Variants in TG observed in about 807,000 individuals in gnomAD.
TG encodes the protein thyroglobulin.
In TG, 270 loss-of-function variants were observed where a neutral mutation model predicts 324.7. The observed-to-expected ratio is 0.83, with a 90% confidence interval of 0.75 to 0.92. The LOEUF is 0.92. Ranked by LOEUF, TG falls within the 40% of genes least tolerant of loss-of-function variation. The probability of loss-of-function intolerance (pLI) is 0.00; values close to 1 mark genes in which losing one functional copy is unlikely to be tolerated. For synonymous variants in TG, 1,401 were observed against 1,327.0 expected (o/e 1.06, Z -1.21); for missense variants, 3,591 against 3,456.4 (o/e 1.04, Z -0.98).
At chr8:132,913,435 A>G (rs1221017860) in intron 20 of TG, among the ~76,000 whole-genome samples, 170 bp downstream of exon 20, 1 of 152,198 alleles carries the variant, frequency 6.6e-6, no homozygotes. Context: ...TATAGTCTCC[A>G]TCTGCTAGGT....
At chr8:132,969,049 G>C (rs902234092) in intron 31 of TG, among the ~76,000 whole-genome samples, 2 of 151,956 alleles carry the variant, frequency 1.3e-5, no homozygotes, top group African/African-American at 4.8e-5. Context: ...AGGCCAAATA[G>C]CTTCTTAAAG....
intron 26 of TG, among the ~76,000 whole-genome samples, chr8:132,948,177 C>T (rs370459964): frequency 1.9e-5 from 2 of 106,294 alleles, no homozygotes; most frequent in African/African-American, 2.8e-5. Flanking sequence ...TTTCTTACTC[C>T]GTCCCCCCCC....
At chr8:132,887,569 AT>A in intron 9 of TG, 21 bp downstream of exon 9, 1 of 1,614,166 alleles carries the variant, frequency 6.2e-7, no homozygotes. Flanking sequence ...TGGGTATTCA[AT>A]CTGTAGGTTC....
chr8:133,038,551 G>A (rs1364338904), intron 41 of TG: 1 of 1,613,652 alleles, frequency 6.2e-7, no homozygotes, highest in Non-Finnish European at 8.5e-7. Flanking sequence ...GTGGTGATGA[G>A]AAGAATGAGC....
intron 35 of TG, among the ~76,000 whole-genome samples, chr8:132,997,674 A>G (rs191537891): frequency 6.6e-6 from 1 of 152,240 alleles, no homozygotes; most frequent in Non-Finnish European, 1.5e-5. Context: ...AATTTAGTGG[A>G]GTAAAGAGGA....
chr8:133,001,693 G>T (rs1340605060), intron 35 of TG: 14 of 962,132 alleles, frequency 1.5e-5, no homozygotes, highest in Non-Finnish European at 1.6e-5. Flanking sequence ...CGTGAGCTGG[G>T]CTCTTCCTTC....
intron 26 of TG, among the ~76,000 whole-genome samples, chr8:132,945,598 G>A (rs967434881): frequency 1.3e-5 from 2 of 152,294 alleles, no homozygotes; most frequent in Admixed American, 1.3e-4. Flanking sequence ...CAGCTTCGAG[G>A]TGGTATCAAA....
At chr8:132,985,372 G>A (rs1564039630) in intron 35 of TG, among the ~76,000 whole-genome samples, 2 of 152,110 alleles carry the variant, frequency 1.3e-5, no homozygotes. Flanking sequence ...GCCATGGGTG[G>A]GAGGGGTCCT....
chr8:132,869,226 C>T (rs78775620), intron 2 of TG, among the ~76,000 whole-genome samples: 2,087 of 152,282 alleles, frequency 0.014, 19 homozygotes, highest in Non-Finnish European at 0.022. Flanking sequence ...CCTTCTTATA[C>T]CTCTGACCAT....
chr8:133,115,424 A>T (rs1479310029), intron 44 of TG, among the ~76,000 whole-genome samples: 1 of 152,090 alleles, frequency 6.6e-6, no homozygotes, highest in Non-Finnish European at 1.5e-5. Flanking sequence ...CATGGGGGGA[A>T]ACTCAGTTGG....
intron 38 of TG, among the ~76,000 whole-genome samples, chr8:133,018,976 C>A (rs770216373): frequency 2.0e-5 from 3 of 152,180 alleles, no homozygotes; most frequent in Non-Finnish European, 4.4e-5. Flanking sequence ...AACAAATATG[C>A]GTGAATTAAA....
chr8:133,061,793 G>C (rs778869950), intron 41 of TG, among the ~76,000 whole-genome samples: 2 of 152,164 alleles, frequency 1.3e-5, no homozygotes, highest in African/African-American at 2.4e-5. Context: ...TGCCCTATGT[G>C]TACAGGTTCT....
intron 32 of TG, among the ~76,000 whole-genome samples, chr8:132,970,670 G>C (rs962257830): frequency 1.1e-4 from 17 of 152,316 alleles, no homozygotes; most frequent in African/African-American, 4.1e-4. Flanking sequence ...GCTGATGGGA[G>C]TGGTGGATGA....
chr8:133,081,881 C>G (rs146098379), intron 41 of TG, among the ~76,000 whole-genome samples: 1 of 152,296 alleles, frequency 6.6e-6, no homozygotes, highest in East Asian at 1.9e-4. Flanking sequence ...CTGCCTCTGA[C>G]GGATTGTCAC....
At chr8:132,988,702 T>G (rs937054827) in intron 35 of TG, 1 of 985,412 alleles carries the variant, frequency 1.0e-6, no homozygotes, top group Non-Finnish European at 1.2e-6. Context: ...CATTGCATCT[T>G]AAAAGGCTTA....
In TG at chr8:132,913,195, A is replaced by G; in HGVS notation, c.4308A>G (p.Thr1436=). The G allele has an allele frequency of 1.9e-6, 3 of 1,614,066 alleles. No homozygotes were observed. The highest frequency in any genetic ancestry group is 1.1e-5 in the South Asian group (1 of 91,070). Reference sequence around the variant, plus strand: ...ACCACTTTGGCACCTCTCCCAGGACATGGTTTGGGTGCTCGGAAGGATTCT... The same window carrying G: ...ACCACTTTGGCACCTCTCCCAGGACGTGGTTTGGGTGCTCGGAAGGATTCT... ...QGDHFGTSPR[T]WFGCSEGFYQ... The change falls in exon 20 of 48, where the codon ACA becomes ACG. Residue 1436 remains threonine (T), a synonymous_variant. Coordinates refer to ENST00000220616, the MANE Select transcript of TG (RefSeq NM_003235.5).
chr8:132,868,054 C>G lies in TG; in HGVS notation c.68-61C>G. Reference sequence around the variant, plus strand: ...AAAAGCATCTGTGCTTATGAGAGCCCGTCTCTGTCCTGGCAGCCCAGTCCA... The same window carrying G: ...AAAAGCATCTGTGCTTATGAGAGCCGGTCTCTGTCCTGGCAGCCCAGTCCA... On this transcript the variant is annotated intron_variant, in intron 1 of 47. Coordinates refer to ENST00000220616, the MANE Select transcript of TG (RefSeq NM_003235.5). 4 of 1,452,132 alleles carry G rather than the reference C, an allele frequency of 2.8e-6. No homozygotes were observed. The South Asian group carries it at 4.6e-5, about 17-fold the overall frequency. The allele number at this position is 1,452,132 out of a possible 1,614,324, so 90.0% of individuals were successfully genotyped here.
intron 41 of TG, chr8:133,047,670 T>A: frequency 1.6e-6 from 1 of 641,844 alleles, no homozygotes; most frequent in Non-Finnish European, 2.9e-6. Flanking sequence ...GCTTCCCCAC[T>A]GGCCTCCCCA....
chr8:133,008,467 A>G lies in TG; in HGVS notation c.6263-3434A>G, dbSNP rs139513573. ...GAGAGATTATATTTTAAAATAAATG[A>G]CACTAGCATTGCAATCTATGAACTA... is the stretch of plus-strand genomic sequence containing the variant. On this transcript the variant is annotated intron_variant, in intron 35 of 47. Coordinates refer to ENST00000220616, the MANE Select transcript of TG (RefSeq NM_003235.5). Among the ~76,000 whole-genome samples, 155 of 152,388 alleles carry G rather than the reference A, an allele frequency of 1.0e-3. 1 individual carries two copies. In the East Asian group the frequency reaches 0.027, roughly 27 times the overall value.
Sources: gnomAD v4.1 joint callset for allele counts (sites outside exome capture counted in the v4.1 genomes callset) on GRCh38, gnomAD v4.1.1 for gene constraint, MANE v1.5 for transcripts, NCBI Gene and HGNC (gene_info 2026-07-23, HGNC 2026-07-21) for gene names.